The following PRIM2 variants were observed in gnomAD, a reference collection of about 807,000 sequenced individuals.
PRIM2 encodes the protein DNA primase subunit 2.
A neutral mutation model predicts 67.3 loss-of-function variants in PRIM2; 39 were observed. That is an observed-to-expected ratio of 0.58 (90% CI 0.45 to 0.76). PRIM2 has a LOEUF of 0.76. Ranked by LOEUF, PRIM2 falls within the 30% of genes least tolerant of loss-of-function variation. The pLI, the probability that PRIM2 is intolerant of heterozygous loss-of-function variation, is 0.00. For missense variants in PRIM2, 398 were observed against 598.7 expected (o/e 0.66, Z 3.50); for synonymous variants, 143 against 198.7 (o/e 0.72, Z 2.36).
chr6:57,642,443 T>C (rs1777257876), intron 13 of PRIM2, among the ~76,000 whole-genome samples: 1 of 102,918 alleles, frequency 9.7e-6, no homozygotes, highest in Non-Finnish European at 2.2e-5. Flanking sequence ...ATCTTTTTTT[T>C]TTTTTTTTTT....
the PRIM2 span, among the ~76,000 whole-genome samples, chr6:57,301,540 G>A: frequency 3.9e-5 from 6 of 152,176 alleles, no homozygotes; most frequent in South Asian, 2.1e-4. Flanking sequence ...AGTGGCTCAC[G>A]CCTGTAATCT....
the PRIM2 span, among the ~76,000 whole-genome samples, chr6:57,294,556 T>C: frequency 6.6e-6 from 1 of 151,784 alleles, no homozygotes; most frequent in Non-Finnish European, 1.5e-5. Context: ...CAAGTGCATG[T>C]ATATATTTAT....
intron 7 of PRIM2, among the ~76,000 whole-genome samples, chr6:57,488,470 C>T (rs1773803481): frequency 6.6e-6 from 1 of 152,184 alleles, no homozygotes; most frequent in African/African-American, 2.4e-5. Context: ...GCAGTAGAAA[C>T]TGTAATTAGT....
the PRIM2 span, among the ~76,000 whole-genome samples, chr6:57,295,155 CAGA>C: frequency 6.6e-6 from 1 of 152,144 alleles, no homozygotes; most frequent in African/African-American, 2.4e-5. Flanking sequence ...CTTCTAGAAT[CAGA>C]AGAAGAAACC....
At chr6:57,456,967 G>C (rs1412866043) in intron 7 of PRIM2, among the ~76,000 whole-genome samples, 1 of 152,088 alleles carries the variant, frequency 6.6e-6, no homozygotes, top group Non-Finnish European at 1.5e-5. Context: ...TGGGGTTTTG[G>C]TGTGGATGTT....
chr6:57,398,265 C>T (rs1770591838), intron 7 of PRIM2, among the ~76,000 whole-genome samples: 1 of 152,014 alleles, frequency 6.6e-6, no homozygotes, highest in South Asian at 2.1e-4. Flanking sequence ...GCCAATCTTT[C>T]TAACTTTTTA....
intron 7 of PRIM2, among the ~76,000 whole-genome samples, chr6:57,396,275 G>C (rs796069291): frequency 6.6e-6 from 1 of 151,788 alleles, no homozygotes; most frequent in Non-Finnish European, 1.5e-5. Context: ...CCACTGTTTT[G>C]TCTTGCTATC....
intron 7 of PRIM2, among the ~76,000 whole-genome samples, chr6:57,419,509 T>C (rs1214540808): frequency 6.6e-6 from 1 of 152,170 alleles, no homozygotes; most frequent in East Asian, 1.9e-4. Flanking sequence ...TATTTACTGG[T>C]CTTAGGAACA....
intron 6 of PRIM2, among the ~76,000 whole-genome samples, chr6:57,381,253 A>G (rs905574347): frequency 1.3e-5 from 2 of 152,234 alleles, no homozygotes; most frequent in African/African-American, 4.8e-5. Flanking sequence ...CGTTGGATAT[A>G]CAGAAAATTG....
chr6:57,257,184 A>G, the PRIM2 span, among the ~76,000 whole-genome samples: 1 of 152,216 alleles, frequency 6.6e-6, no homozygotes, highest in Non-Finnish European at 1.5e-5. Context: ...ACACTGAAAA[A>G]TGTAGATGAA....
chr6:57,313,057 T>C (rs1217671928), upstream of PRIM2, among the ~76,000 whole-genome samples: 3 of 152,208 alleles, frequency 2.0e-5, no homozygotes, highest in Non-Finnish European at 4.4e-5. Context: ...ACTTTATTCT[T>C]GTACCAATAT....
At chr6:57,584,200 A>G (rs1439318697) in intron 10 of PRIM2, among the ~76,000 whole-genome samples, 1 of 152,258 alleles carries the variant, frequency 6.6e-6, no homozygotes, top group African/African-American at 2.4e-5. Flanking sequence ...CCCAGGTGAC[A>G]AATAGCCCTC....
chr6:57,374,299 A>ATTTT (rs1288814173), intron 5 of PRIM2, among the ~76,000 whole-genome samples: 5 of 144,694 alleles, frequency 3.5e-5, no homozygotes, highest in Admixed American at 6.8e-5. Flanking sequence ...TTATTTATTT[A>ATTTT]TTTATTTTTT....
At chr6:57,282,383 C>T in the PRIM2 span, among the ~76,000 whole-genome samples, 6 of 152,072 alleles carry the variant, frequency 3.9e-5, no homozygotes, top group South Asian at 2.1e-4. Flanking sequence ...TCTTTTAGTA[C>T]GTAAATTCTG....
intron 5 of PRIM2, among the ~76,000 whole-genome samples, chr6:57,337,953 A>C (rs1471704409): frequency 6.6e-6 from 1 of 151,370 alleles, no homozygotes; most frequent in Non-Finnish European, 1.5e-5. Context: ...AAATTGATAG[A>C]CCGCTAGCAA....
intron 7 of PRIM2, among the ~76,000 whole-genome samples, chr6:57,439,742 A>G (rs897477804): frequency 2.0e-5 from 3 of 152,090 alleles, no homozygotes; most frequent in Non-Finnish European, 4.4e-5. Flanking sequence ...TGTTAAACTT[A>G]GGTAAAATAT....
intron 7 of PRIM2, among the ~76,000 whole-genome samples, chr6:57,423,500 A>G (rs1771526794): frequency 6.6e-6 from 1 of 152,198 alleles, no homozygotes; most frequent in Non-Finnish European, 1.5e-5. Flanking sequence ...CGACCTTGCC[A>G]GTTGGAGTGA....
chr6:57,399,939 A>C, intron 7 of PRIM2, among the ~76,000 whole-genome samples: 1 of 147,198 alleles, frequency 6.8e-6, no homozygotes, highest in East Asian at 2.0e-4. Flanking sequence ...GATTCTGGAT[A>C]TTAGCCCTTT....
chr6:57,519,125 A>G (rs1287978279), intron 8 of PRIM2, among the ~76,000 whole-genome samples: 2 of 152,242 alleles, frequency 1.3e-5, no homozygotes, highest in African/African-American at 4.8e-5. Flanking sequence ...GGTCACAGAC[A>G]TTAAGTACTT....
Sources: gnomAD v4.1 joint callset for allele counts (sites outside exome capture counted in the v4.1 genomes callset) on GRCh38, gnomAD v4.1.1 for gene constraint, MANE v1.5 for transcripts, NCBI Gene and HGNC (gene_info 2026-07-23, HGNC 2026-07-21) for gene names.